The following PHLDB3 variants were observed in gnomAD, a reference collection of about 807,000 sequenced individuals.
PHLDB3 encodes pleckstrin homology like domain family B member 3.
PHLDB3 carries 86 observed loss-of-function variants against 85.7 expected under a neutral mutation model. The ratio of observed to expected loss-of-function variants is 1.00; its 90% CI spans 0.84 to 1.20. PHLDB3 has a LOEUF of 1.20. Ranked by LOEUF, PHLDB3 falls within the 50% of genes most tolerant of loss-of-function variation. The pLI, the probability that PHLDB3 is intolerant of heterozygous loss-of-function variation, is 0.00. For synonymous variants in PHLDB3, 376 were observed against 349.8 expected (o/e 1.07, Z -0.83); for missense variants, 995 against 873.0 (o/e 1.14, Z -1.76).
At chr19:43,493,654 T>G (rs1971374963) in intron 9 of PHLDB3, among the ~76,000 whole-genome samples, 1 of 151,450 alleles carries the variant, frequency 6.6e-6, no homozygotes, top group Non-Finnish European at 1.5e-5. Flanking sequence ...AGAAGAGGAC[T>G]TGAAATGTTC....
chr19:43,489,923 C>A (rs1234723809), intron 9 of PHLDB3, among the ~76,000 whole-genome samples: 1 of 151,548 alleles, frequency 6.6e-6, no homozygotes, highest in African/African-American at 2.4e-5. Context: ...AGGAGAATCA[C>A]TTGAACCAGG....
rs1399530067 is a variant in PHLDB3, at chr19:43,503,977, C to T, written c.142G>A (p.Gly48Arg). ...SEVLAEPSSRGGAEQQAEEEE... is the reference protein window; with the variant it reads ...SEVLAEPSSRRGAEQQAEEEE... Reference sequence around the variant, plus strand: ...TCCTCTGCCTGCTGCTCAGCTCCCCCGCGGCTCGAAGGTTCCGCCAGGACT... The same window carrying T: ...TCCTCTGCCTGCTGCTCAGCTCCCCTGCGGCTCGAAGGTTCCGCCAGGACT... The change falls in exon 2 of 16, where the codon GGG becomes AGG. Residue 48 changes from glycine to arginine, a missense_variant. By Grantham distance (125) the Gly-to-Arg change is moderately radical. Transcript: ENST00000292140. The T allele has an allele frequency of 1.2e-6, 2 of 1,613,976 alleles. No individual in the cohort carries two copies. The highest frequency in any genetic ancestry group is 8.5e-7 in the Non-Finnish European group (1 of 1,179,834).
At chr19:43,495,364 G>A (rs771777078) in intron 7 of PHLDB3, 25 bp from the exon 8 acceptor site, 40 of 1,609,632 alleles carry the variant, frequency 2.5e-5, no homozygotes, top group East Asian at 1.8e-4. Context: ...GGACAGCTAC[G>A]TGTCAAAGTC....
chr19:43,475,325 C>A lies in PHLDB3; in HGVS notation c.*85G>T. The A allele has an allele frequency of 6.6e-7, 1 of 1,523,310 alleles. No individual in the cohort carries two copies. Among genetic ancestry groups the A allele is most frequent in the Admixed American group, 2.1e-5 (1 of 47,756 alleles). The allele number at this position is 1,523,310 out of a possible 1,614,324, so 94.4% of individuals were successfully genotyped here. On this transcript the variant is annotated 3_prime_UTR_variant, in exon 16 of 16. Transcript: ENST00000292140. ...TCCAAAGCGGTGCGTCCAAGTTTTC[C>A]GGCAGTGGGCGGGGCCTAGGAACGC...
In PHLDB3 at chr19:43,486,396, G is replaced by T. The variant is rs1971157637; in HGVS notation, c.1429-74C>A. On this transcript the variant is annotated intron_variant, in intron 12 of 15. Transcript: ENST00000292140. ...GGTAGGGTGGCTGGAGAATGTCCTA[G>T]CTTCTCTGTTCTGAGGGTACAGGGA... The T allele has an allele frequency of 2.1e-6, 3 of 1,444,524 alleles. No homozygotes were observed. In the South Asian group the frequency reaches 3.9e-5, roughly 19 times the overall value. 89.5% of individuals were successfully genotyped at this position (1,444,524 alleles called of 1,614,324 possible). A position where few individuals can be genotyped will look rare whatever the true frequency, so the allele number is the denominator to read the frequency against.
intron 9 of PHLDB3, among the ~76,000 whole-genome samples, chr19:43,488,301 A>G (rs1971232176): frequency 1.3e-5 from 2 of 152,020 alleles, no homozygotes; most frequent in Non-Finnish European, 2.9e-5. Context: ...ACAAAAAAAT[A>G]GAAAAATTAG....
chr19:43,495,751 G>T, intron 6 of PHLDB3, 131 bp from the exon 7 acceptor site: 1 of 1,342,212 alleles, frequency 7.5e-7, no homozygotes. Flanking sequence ...AGTGTCCAGG[G>T]CTGGGGACCC....
rs752812415 is a variant in PHLDB3 at position 43,501,826 on chromosome 19, G to C, written c.442C>G (p.Arg148Gly). Reference protein sequence around the residue: ...ALLRGELAGERVAARREEEQL... With the variant: ...ALLRGELAGEGVAARREEEQL... The stretch of plus-strand genomic sequence containing the variant: ...TCCTCCTCCCGGCGAGCGGCCACTC[G>C]CTCCCCAGCCAGCTCACCCCGCAGC... The change falls in exon 4 of 16, where the codon CGA becomes GGA. Residue 148 changes from arginine (R) to glycine (G), a missense_variant. Transcript: ENST00000292140. The C allele has an allele frequency of 3.1e-6, 5 of 1,589,318 alleles. No homozygotes were observed. The highest frequency in any genetic ancestry group is 4.3e-6 in the Non-Finnish European group (5 of 1,168,874).
intron 9 of PHLDB3, among the ~76,000 whole-genome samples, chr19:43,490,824 C>T (rs776140606): frequency 6.6e-6 from 1 of 152,158 alleles, no homozygotes; most frequent in Non-Finnish European, 1.5e-5. Context: ...CAGGCCGGTT[C>T]GGGTTCAAAT....
At chr19:43,486,346 C>T in intron 12 of PHLDB3, 24 bp from the exon 13 acceptor site, 1 of 1,593,430 alleles carries the variant, frequency 6.3e-7, no homozygotes, top group Non-Finnish European at 8.5e-7. Context: ...ATGAAGCACT[C>T]AATGAGGATC....
intron 5 of PHLDB3, among the ~76,000 whole-genome samples, 178 bp downstream of exon 5, chr19:43,497,570 G>A (rs1302717213): frequency 6.6e-6 from 1 of 152,080 alleles, no homozygotes; most frequent in Non-Finnish European, 1.5e-5. Flanking sequence ...AAATTAGCTG[G>A]GTGTGGTGGT....
At position 43,502,255 on chromosome 19, in the gene PHLDB3, G is replaced by A. The variant is rs1468988929; in HGVS notation, c.242C>T (p.Ala81Val). 1 of 1,564,084 alleles carries A rather than the reference G, an allele frequency of 6.4e-7. No homozygotes were observed. The highest frequency in any genetic ancestry group is 8.6e-7 in the Non-Finnish European group (1 of 1,157,556). The change falls in exon 3 of 16, where the codon GCG becomes GTG. Residue 81 changes from alanine (A) to valine (V), a missense_variant. Coordinates refer to ENST00000292140, the MANE Select transcript of PHLDB3 (RefSeq NM_198850.4). ...AGAGGTGGATGCGGGAGGTGTGGCC[G>A]CCATAGCTATCGGAGGCGTAGCCTC... ...APEATPPIAMAATPPASTSSR... is the reference protein window; with the variant it reads ...APEATPPIAMVATPPASTSSR...
chr19:43,486,156 A>G, intron 13 of PHLDB3, 110 bp downstream of exon 13: 2 of 1,361,464 alleles, frequency 1.5e-6, no homozygotes, highest in South Asian at 1.6e-5. Context: ...GCCCAGGACA[A>G]TTTTCTGTTC....
intron 4 of PHLDB3, among the ~76,000 whole-genome samples, chr19:43,500,180 G>A (rs577583884): frequency 1.3e-5 from 2 of 152,088 alleles, no homozygotes; most frequent in South Asian, 2.1e-4. Flanking sequence ...CAGAGGTTAC[G>A]GTGAGCCAAG....
At chr19:43,476,049 C>T in intron 15 of PHLDB3, among the ~76,000 whole-genome samples, 1 of 152,220 alleles carries the variant, frequency 6.6e-6, no homozygotes, top group East Asian at 1.9e-4. Flanking sequence ...CCTGCTTCGG[C>T]CTCCCAGAGT....
In PHLDB3 at chr19:43,475,614, CTTGCT is replaced by C. The variant is rs1970911941; in HGVS notation, c.1789-75_1789-71del. 8 of 1,591,490 alleles carry C rather than the reference CTTGCT, an allele frequency of 5.0e-6. No homozygotes were observed. In the Admixed American group the frequency reaches 1.4e-4, roughly 28 times the overall value. On this transcript the variant is annotated intron_variant, in intron 15 of 15. Coordinates refer to ENST00000292140, the MANE Select transcript of PHLDB3 (RefSeq NM_198850.4). ...GCCACAGTCTGGGTGCGAACCCAGCCTTGCTACTTATAGTCTGTGTGGCACTGGAC... is the reference window on the plus strand; with the variant it reads ...GCCACAGTCTGGGTGCGAACCCAGCCACTTATAGTCTGTGTGGCACTGGAC...
At chr19:43,494,571 C>T (rs1971396373) in intron 9 of PHLDB3, 131 bp downstream of exon 9, 2 of 685,084 alleles carry the variant, frequency 2.9e-6, no homozygotes, top group Non-Finnish European at 4.8e-6. Context: ...CCTTCCCTAT[C>T]CCCCACCGGC....
In PHLDB3 at chr19:43,497,265, C is replaced by T. The variant is rs1471370047; in HGVS notation, c.678G>A (p.Leu226=). Residue 226 remains leucine (L), a synonymous_variant, in exon 6 of 16, where the codon CTG becomes CTA. Coordinates refer to ENST00000292140, the MANE Select transcript of PHLDB3 (RefSeq NM_198850.4). The stretch of plus-strand genomic sequence containing the variant: ...CCTCATAGGCACGTTGGGCCACATC[C>T]AGTTGTTCCCTCATCTATAGGTCGG... ...LQGVQEMREQ[L]DVAQRAYEDL... 6.8e-7 allele frequency: 1 copy of T among 1,468,060 alleles called. No individual in the cohort carries two copies. The highest frequency in any genetic ancestry group is 1.5e-5 in the African/African-American group (1 of 68,748). 90.9% of individuals were successfully genotyped at this position (1,468,060 alleles called of 1,614,324 possible).
At chr19:43,483,078 A>G (rs1433229936) in intron 13 of PHLDB3, among the ~76,000 whole-genome samples, 1 of 152,178 alleles carries the variant, frequency 6.6e-6, no homozygotes, top group Non-Finnish European at 1.5e-5. Flanking sequence ...CTCAATAAAT[A>G]TGGGCTGAAA....
Sources: allele counts gnomAD v4.1 joint callset (sites outside exome capture counted in the v4.1 genomes callset), GRCh38; gene constraint gnomAD v4.1.1; transcripts MANE v1.5; gene names NCBI Gene and HGNC (gene_info 2026-07-23, HGNC 2026-07-21).